The following COL19A1 variants were observed in gnomAD, a reference collection of about 807,000 sequenced individuals.
COL19A1 encodes the protein collagen type XIX alpha 1 chain.
A neutral mutation model predicts 190.2 loss-of-function variants in COL19A1; 159 were observed. The observed-to-expected ratio is 0.84, with a 90% CI of 0.73 to 0.95. The LOEUF is 0.95. Among genes scored for constraint, COL19A1 ranks in the 40% least tolerant of loss-of-function variants. The pLI is 0.00. For missense variants in COL19A1, 1,418 were observed against 1,431.9 expected, an observed-to-expected ratio of 0.99 and a Z score of 0.16; for synonymous variants, 509 against 458.9, an observed-to-expected ratio of 1.11 and a Z score of -1.39.
chr6:70,054,682 T>C (rs1434729519), intron 14 of COL19A1, among the ~76,000 whole-genome samples: 1 of 152,150 alleles, frequency 6.6e-6, no homozygotes, highest in Non-Finnish European at 1.5e-5. Context: ...TAAAGGCTTA[T>C]AATAAAAAAT....
chr6:69,907,801 T>G (rs1033115791), intron 4 of COL19A1, among the ~76,000 whole-genome samples: 1 of 152,218 alleles, frequency 6.6e-6, no homozygotes, highest in Non-Finnish European at 1.5e-5. Flanking sequence ...TGCAGTCTAG[T>G]CTAGAGCTTA....
Position 69,892,192 on chromosome 6 carries a change from C to G in COL19A1, c.92-6756C>G, listed in dbSNP as rs565599172. On this transcript the variant is annotated intron_variant, in intron 2 of 50. Coordinates refer to ENST00000620364, the MANE Select transcript of COL19A1 (RefSeq NM_001858.6). ...CCGAGTGGTGGGTATCCTATTTATC[C>G]CAACTGCCTGGCAGGATTTGCAGGA... Among the ~76,000 whole-genome samples, 19 of 152,258 alleles carry G rather than the reference C, an allele frequency of 1.2e-4. No homozygotes were observed. In the South Asian group the frequency reaches 3.9e-3, roughly 32 times the overall value.
intron 27 of COL19A1, among the ~76,000 whole-genome samples, chr6:70,148,065 C>T (rs1250453390): frequency 2.0e-5 from 3 of 152,120 alleles, no homozygotes; most frequent in Non-Finnish European, 4.4e-5. Context: ...GTGTGTCACT[C>T]TCCTGGCACA....
intron 9 of COL19A1, among the ~76,000 whole-genome samples, chr6:69,942,732 T>TTGTGTGTGTG (rs1289844940): frequency 8.1e-6 from 1 of 123,368 alleles, no homozygotes; most frequent in African/African-American, 3.4e-5. Context: ...TGTCATTCCA[T>TTGTGTGTGTG]TGTGTGTATG....
intron 2 of COL19A1, among the ~76,000 whole-genome samples, chr6:69,883,967 T>G (rs1768738793): frequency 6.6e-6 from 1 of 151,470 alleles, no homozygotes; most frequent in Admixed American, 6.6e-5. Flanking sequence ...AAAAAAAAAG[T>G]GTAAAAGAGG....
At chr6:69,928,172 T>C in intron 5 of COL19A1, 140 bp downstream of exon 5, 7 of 1,107,886 alleles carry the variant, frequency 6.3e-6, no homozygotes, top group Non-Finnish European at 8.9e-6. Context: ...AACAAGAAAA[T>C]GCAAGTATTC....
At chr6:70,200,305 G>T (rs1331788024) in intron 49 of COL19A1, among the ~76,000 whole-genome samples, 3 of 152,168 alleles carry the variant, frequency 2.0e-5, no homozygotes, top group African/African-American at 4.8e-5. Flanking sequence ...TATTGGCAAA[G>T]AATTTTGTTC....
At chr6:70,093,438 G>A (rs1783050182) in intron 15 of COL19A1, among the ~76,000 whole-genome samples, 1 of 152,098 alleles carries the variant, frequency 6.6e-6, no homozygotes, top group Non-Finnish European at 1.5e-5. Context: ...AACAGAGCCA[G>A]AAGTTGGGCC....
intron 4 of COL19A1, among the ~76,000 whole-genome samples, chr6:69,918,234 A>T (rs2149995095): frequency 6.6e-6 from 1 of 152,306 alleles, no homozygotes; most frequent in Admixed American, 6.5e-5. Flanking sequence ...CTGATTTTAA[A>T]AGCTCATTCT....
chr6:70,107,301 C>A (rs1037464466), intron 16 of COL19A1, among the ~76,000 whole-genome samples: 1 of 152,180 alleles, frequency 6.6e-6, no homozygotes, highest in Non-Finnish European at 1.5e-5. Context: ...TGACTCCAGA[C>A]AGCGAGATGG....
intron 12 of COL19A1, among the ~76,000 whole-genome samples, chr6:70,030,424 C>T (rs1778993503): frequency 6.6e-6 from 1 of 152,142 alleles, no homozygotes; most frequent in African/African-American, 2.4e-5. Context: ...CGTCATCCTC[C>T]ACTTGGAATC....
chr6:70,114,624 G>A (rs1784463297), intron 16 of COL19A1, among the ~76,000 whole-genome samples: 1 of 151,904 alleles, frequency 6.6e-6, no homozygotes, highest in Non-Finnish European at 1.5e-5. Context: ...TTCTTTCCCA[G>A]GATTTAGGAA....
At chr6:69,899,093 A>G (rs1214547325) in intron 3 of COL19A1, 71 bp downstream of exon 3, 3 of 939,310 alleles carry the variant, frequency 3.2e-6, no homozygotes, top group Admixed American at 2.0e-5. Flanking sequence ...TATGGAATAC[A>G]TTATAGGTGA....
At chr6:69,949,830 G>A (rs1774022897) in intron 9 of COL19A1, among the ~76,000 whole-genome samples, 1 of 151,738 alleles carries the variant, frequency 6.6e-6, no homozygotes. Context: ...GTACTTAAGA[G>A]TACTGTTAAA....
chr6:69,891,480 A>G (rs1769346228), intron 2 of COL19A1, among the ~76,000 whole-genome samples: 1 of 152,110 alleles, frequency 6.6e-6, no homozygotes, highest in Admixed American at 6.6e-5. Context: ...CTAAAGATGA[A>G]TGGCTACCCA....
intron 11 of COL19A1, among the ~76,000 whole-genome samples, chr6:69,989,750 G>A (rs1776516219): frequency 1.3e-5 from 2 of 151,984 alleles, no homozygotes; most frequent in African/African-American, 4.8e-5. Context: ...TTCTAGAACA[G>A]AATGGTCTAG....
intron 15 of COL19A1, among the ~76,000 whole-genome samples, chr6:70,075,060 T>C (rs1327892975): frequency 4.6e-5 from 7 of 152,246 alleles, no homozygotes; most frequent in African/African-American, 1.7e-4. Context: ...TATTACTTGT[T>C]AGAAAATTCT....
intron 16 of COL19A1, among the ~76,000 whole-genome samples, chr6:70,121,049 C>T (rs1184231101): frequency 6.6e-6 from 1 of 152,088 alleles, no homozygotes; most frequent in Non-Finnish European, 1.5e-5. Context: ...AGAACTTGGT[C>T]TCTATAATAT....
chr6:70,170,842 C>A (rs907770868), intron 40 of COL19A1, among the ~76,000 whole-genome samples: 1 of 152,046 alleles, frequency 6.6e-6, no homozygotes, highest in African/African-American at 2.4e-5. Context: ...GAAGTTATAT[C>A]CCTGGTAATA....
Sources: allele counts gnomAD v4.1 joint callset (sites outside exome capture counted in the v4.1 genomes callset), GRCh38; gene constraint gnomAD v4.1.1; transcripts MANE v1.5; gene names NCBI Gene and HGNC (gene_info 2026-07-23, HGNC 2026-07-21).